The following SCFD1 variants were observed in gnomAD, a reference collection of about 807,000 sequenced individuals.
The protein encoded by SCFD1 is sec1 family domain-containing protein 1.
In SCFD1, 37 loss-of-function variants were observed where a neutral mutation model predicts 103.2. The ratio of observed to expected loss-of-function variants is 0.36; its 90% CI spans 0.28 to 0.47. The LOEUF (loss-of-function observed/expected upper bound fraction) is 0.47, where lower values mean the gene tolerates loss of function less well. SCFD1 is among the 20% of genes least tolerant of loss of function. The pLI is 1.00. For synonymous variants in SCFD1, 264 were observed against 245.0 expected, an observed-to-expected ratio of 1.08 and a Z score of -0.73; for missense variants, 639 against 761.2, an observed-to-expected ratio of 0.84 and a Z score of 1.89.
intron 23 of SCFD1, among the ~76,000 whole-genome samples, chr14:30,733,319 A>G (rs1176870081): frequency 6.6e-6 from 1 of 152,108 alleles, no homozygotes; most frequent in Non-Finnish European, 1.5e-5. Flanking sequence ...ATAAAGTTCA[A>G]TTTTTAACTG....
chr14:30,647,303 A>G (rs1885935052), intron 7 of SCFD1, among the ~76,000 whole-genome samples: 1 of 152,132 alleles, frequency 6.6e-6, no homozygotes, highest in Non-Finnish European at 1.5e-5. Flanking sequence ...GATTTAGACA[A>G]ATGTTTAGAC....
intron 24 of SCFD1, 119 bp downstream of exon 24, chr14:30,734,977 A>G: frequency 1.4e-6 from 1 of 697,754 alleles, no homozygotes; most frequent in South Asian, 1.8e-5. Context: ...AAAGCCATCC[A>G]GCTATACCAA....
intron 1 of SCFD1, among the ~76,000 whole-genome samples, chr14:30,626,469 G>A (rs1883462556): frequency 6.6e-6 from 1 of 152,154 alleles, no homozygotes; most frequent in South Asian, 2.1e-4. Context: ...AGCCCATCCA[G>A]TGAAACATAG....
intron 17 of SCFD1, among the ~76,000 whole-genome samples, chr14:30,704,739 C>T (rs1000900069): frequency 6.6e-6 from 1 of 151,844 alleles, no homozygotes; most frequent in African/African-American, 2.4e-5. Flanking sequence ...CTCTTTTTTT[C>T]CCAGTTACAA....
chr14:30,697,996 C>T (rs1890811355), intron 15 of SCFD1, among the ~76,000 whole-genome samples: 1 of 151,960 alleles, frequency 6.6e-6, no homozygotes, highest in Non-Finnish European at 1.5e-5. Flanking sequence ...TATCACATCG[C>T]TGTAATGGTG....
In SCFD1 at chr14:30,735,703, C is replaced by A; in HGVS notation, c.*94C>A. 1 of 880,126 alleles carries A rather than the reference C, an allele frequency of 1.1e-6. No individual in the cohort carries two copies. The highest frequency in any genetic ancestry group is 1.8e-6 in the Non-Finnish European group (1 of 549,394). 54.5% of individuals were successfully genotyped at this position (880,126 alleles called of 1,614,324 possible). On this transcript the variant is annotated 3_prime_UTR_variant, in exon 25 of 25. Transcript: ENST00000458591. ...GAGCAATATGTTTCCTTCTCTGTAACAGTGTCCTAACAGTGAAAATCAGAG... is the reference window on the plus strand; with the variant it reads ...GAGCAATATGTTTCCTTCTCTGTAAAAGTGTCCTAACAGTGAAAATCAGAG...
intron 1 of SCFD1, among the ~76,000 whole-genome samples, chr14:30,622,664 C>G (rs921729670): frequency 1.3e-5 from 2 of 152,148 alleles, no homozygotes; most frequent in Admixed American, 1.3e-4. Context: ...CATCAGAAGG[C>G]CATCACAACA....
chr14:30,652,581 C>T (rs1886504849), intron 9 of SCFD1, among the ~76,000 whole-genome samples: 1 of 152,040 alleles, frequency 6.6e-6, no homozygotes, highest in Non-Finnish European at 1.5e-5. Context: ...CTTTGTTTTC[C>T]CTGAAGCTGA....
chr14:30,708,149 G>A (rs1891602943), intron 19 of SCFD1, 84 bp downstream of exon 19: 1 of 845,408 alleles, frequency 1.2e-6, no homozygotes, highest in African/African-American at 1.7e-5. Flanking sequence ...GCAACTCCTG[G>A]ATTTATTCAA....
At chr14:30,728,116 C>T (rs1262284162) in intron 23 of SCFD1, among the ~76,000 whole-genome samples, 1 of 152,096 alleles carries the variant, frequency 6.6e-6, no homozygotes, top group East Asian at 1.9e-4. Context: ...GTTATCAGTT[C>T]CTGTGTTATT....
At chr14:30,669,994 T>G in intron 10 of SCFD1, 1 of 311,616 alleles carries the variant, frequency 3.2e-6, no homozygotes, top group Non-Finnish European at 5.8e-6. Context: ...TGTGCTATTA[T>G]ATGCATCAAT....
chr14:30,650,440 A>G (rs1341240286), intron 8 of SCFD1, 125 bp from the exon 9 acceptor site: 10 of 657,416 alleles, frequency 1.5e-5, no homozygotes, highest in Non-Finnish European at 2.4e-5. Flanking sequence ...ATATTTAGAT[A>G]TTAGATTTGC....
intron 4 of SCFD1, among the ~76,000 whole-genome samples, chr14:30,637,749 G>A (rs926896377): frequency 6.6e-6 from 1 of 152,150 alleles, no homozygotes; most frequent in Admixed American, 6.5e-5. Flanking sequence ...TGAAGGATTT[G>A]TTGTGTCATC....
intron 5 of SCFD1, 96 bp from the exon 6 acceptor site, chr14:30,639,681 T>A: frequency 7.9e-7 from 1 of 1,271,458 alleles, no homozygotes; most frequent in Non-Finnish European, 1.0e-6. Context: ...AGGATTTTTT[T>A]TCATTTCTAC....
At position 30,665,788 on chromosome 14, in the gene SCFD1, G is replaced by C. The variant is rs527722443; in HGVS notation, c.856-4468G>C. ...CTTTAAACCAACAAAGATCAAAAGA[G>C]ACAAAGAAGGCCATTACATAATGGT... On this transcript the variant is annotated intron_variant, in intron 10 of 24. Transcript: ENST00000458591. Among the ~76,000 whole-genome samples, 26 of 152,178 alleles carry C rather than the reference G, an allele frequency of 1.7e-4. No individual in the cohort carries two copies. The East Asian group carries it at 2.7e-3, about 16-fold the overall frequency.
chr14:30,647,344 C>T (rs1157203087), intron 7 of SCFD1, among the ~76,000 whole-genome samples: 2 of 152,020 alleles, frequency 1.3e-5, no homozygotes, highest in African/African-American at 2.4e-5. Context: ...AATTGTATGG[C>T]TCCCTCCTTT....
intron 1 of SCFD1, among the ~76,000 whole-genome samples, chr14:30,625,667 GTATATAGGCATATAGGTATACCTA>G (rs1883342397): frequency 6.6e-6 from 1 of 151,926 alleles, no homozygotes; most frequent in Admixed American, 6.6e-5. Context: ...ATAGGTATAG[GTATATAGGCATATAGGTATACCTA>G]TATAGGTATA....
chr14:30,716,985 A>G (rs900860650), intron 20 of SCFD1, among the ~76,000 whole-genome samples: 1 of 152,224 alleles, frequency 6.6e-6, no homozygotes. Context: ...TTGTCACTAC[A>G]TCCTAGAATA....
intron 13 of SCFD1, 54 bp from the exon 14 acceptor site, chr14:30,674,930 C>G (rs570864731): frequency 9.3e-6 from 10 of 1,069,572 alleles, no homozygotes; most frequent in Non-Finnish European, 1.1e-5. Context: ...GAGATAAAGT[C>G]TATGTCATTT....
Sources: gnomAD v4.1 joint callset for allele counts (sites outside exome capture counted in the v4.1 genomes callset) on GRCh38, gnomAD v4.1.1 for gene constraint, MANE v1.5 for transcripts, NCBI Gene and HGNC (gene_info 2026-07-23, HGNC 2026-07-21) for gene names.